CDH3: variants seen among roughly 807,000 people sequenced by gnomAD.
CDH3 encodes cadherin 3, also known as cadherin-3.
Under a neutral mutation model 82.0 loss-of-function variants are expected in CDH3, and 54 were observed. The ratio of observed to expected loss-of-function variants is 0.66; its 90% CI spans 0.53 to 0.83. CDH3 has a LOEUF of 0.83. Ranked by LOEUF, CDH3 falls within the 40% of genes least tolerant of loss-of-function variation. The probability of loss-of-function intolerance (pLI) is 0.00; values close to 1 mark genes in which losing one functional copy is unlikely to be tolerated. For missense variants in CDH3, 1,054 were observed against 1,084.6 expected (o/e 0.97, Z 0.40); for synonymous variants, 446 against 437.9 (o/e 1.02, Z -0.23).
At chr16:68,732,623 G>A in the CDH3 span, among the ~76,000 whole-genome samples, 10 of 152,180 alleles carry the variant, frequency 6.6e-5, no homozygotes, top group Admixed American at 1.3e-4. Context: ...TGTTAGCGCT[G>A]GATCTCAGCA....
intron 1 of CDH3, among the ~76,000 whole-genome samples, chr16:68,720,265 T>TAA (rs771951284): frequency 3.6e-5 from 5 of 139,644 alleles, no homozygotes; most frequent in African/African-American, 1.3e-4. Flanking sequence ...GAGGGGAGGC[T>TAA]AAAAAAAAAA....
chr16:68,691,688 C>G (rs1455606152), intron 12 of CDH3, 32 bp from the exon 13 acceptor site: 1 of 1,565,118 alleles, frequency 6.4e-7, no homozygotes, highest in Admixed American at 1.7e-5. Flanking sequence ...ACTGATGGTT[C>G]CCACAGCTAA....
In CDH3 at chr16:68,674,071, G is replaced by A. The variant is rs77850918; in HGVS notation, c.161-2314G>A. ...CCTAGGCATTGAATTGCTAGGTCAT[G>A]TGGTAATTCTACATTTAACACGTTG... On this transcript the variant is annotated intron_variant, in intron 2 of 15. Transcript: ENST00000264012. Among the ~76,000 whole-genome samples the A allele has an allele frequency of 4.6e-3, 700 of 152,336 alleles. 11 individuals carry two copies. The highest frequency in any genetic ancestry group is 0.016 in the African/African-American group (651 of 41,576).
Position 68,687,666 on chromosome 16 carries a change from C to T in CDH3, c.1725C>T (p.His575=). 6.2e-7 allele frequency: 1 copy of T among 1,614,114 alleles called. No homozygotes were observed. The stretch of plus-strand genomic sequence containing the variant: ...TCACGGACAAGGACCTGTCTCCCCA[C>T]ACCTCCCCTTTCCAGGCCCAGCTCA... ...LNITDKDLSP[H]TSPFQAQLTD... is the part of the protein sequence containing the mutation. Residue 575 remains histidine, a synonymous_variant, in exon 12 of 16, where the codon CAC becomes CAT. Transcript: ENST00000264012.
At chr16:68,724,457 GAAAAT>G (rs1962197705) in intron 2 of CDH3, among the ~76,000 whole-genome samples, 1 of 151,718 alleles carries the variant, frequency 6.6e-6, no homozygotes, top group African/African-American at 2.4e-5. Context: ...TGACTGTACA[GAAAAT>G]AAAAAATTAA....
rs1567459365 is a variant in CDH3 at position 68,698,571 on chromosome 16, A to C, written c.*171A>C. On this transcript the variant is annotated 3_prime_UTR_variant, in exon 16 of 16. Coordinates refer to ENST00000264012, the MANE Select transcript of CDH3 (RefSeq NM_001793.6). ...AGAGTGGTGGCTTCCTTAGCCTTTC[A>C]GGATGGAGGAATGTGGGCAGTTTGA... 1.3e-5 allele frequency: 8 copies of C among 627,060 alleles called. No individual in the cohort carries two copies. The highest frequency in any genetic ancestry group is 1.1e-5 in the Non-Finnish European group (4 of 355,466). 38.8% of individuals were successfully genotyped at this position (627,060 alleles called of 1,614,324 possible).
At chr16:68,675,949 C>T (rs907382509) in intron 2 of CDH3, among the ~76,000 whole-genome samples, 5 of 151,990 alleles carry the variant, frequency 3.3e-5, no homozygotes, top group South Asian at 2.1e-4. Context: ...TCAGAAGGAG[C>T]GAAATGAACT....
At chr16:68,660,049 G>A (rs1255057288) in intron 2 of CDH3, among the ~76,000 whole-genome samples, 1 of 152,146 alleles carries the variant, frequency 6.6e-6, no homozygotes, top group Non-Finnish European at 1.5e-5. Flanking sequence ...CAGATGTGGT[G>A]TAGGGAAGAG....
In CDH3 at chr16:68,668,017, A is replaced by C. The variant is rs558966924; in HGVS notation, c.161-8368A>C. Among the ~76,000 whole-genome samples, 6 of 152,296 alleles carry C rather than the reference A, an allele frequency of 3.9e-5. No individual in the cohort carries two copies. The East Asian group carries it at 1.2e-3, about 29-fold the overall frequency. On this transcript the variant is annotated intron_variant, in intron 2 of 15. Transcript: ENST00000264012. ...CCCGACAGTATTTTAGGGAATGTACATTTAGGCTCAGTGCTAAAAGCTGTC... is the reference window on the plus strand; with the variant it reads ...CCCGACAGTATTTTAGGGAATGTACCTTTAGGCTCAGTGCTAAAAGCTGTC...
chr16:68,695,713 G>A, intron 14 of CDH3, 64 bp from the exon 15 acceptor site: 2 of 1,575,586 alleles, frequency 1.3e-6, no homozygotes, highest in Non-Finnish European at 1.7e-6. Context: ...GGGGTGAGAT[G>A]TAAGTGGCAG....
chr16:68,645,792 T>A, intron 2 of CDH3, 42 bp downstream of exon 2: 1 of 1,461,810 alleles, frequency 6.8e-7, no homozygotes, highest in Non-Finnish European at 9.3e-7. Flanking sequence ...GGGCCGCACG[T>A]GACCATTTTG....
intron 2 of CDH3, among the ~76,000 whole-genome samples, chr16:68,723,177 C>T (rs1257818272): frequency 6.6e-6 from 1 of 151,948 alleles, no homozygotes; most frequent in African/African-American, 2.4e-5. Context: ...GCCCAATTCT[C>T]CTTCTCCAGA....
Position 68,687,745 on chromosome 16 carries a change from G to A in CDH3, c.1795+9G>A. ...AGAGGTCAACGAGGAAGGTACCTGA[G>A]TGAGTGGTGGTAGCGGGTGGGGTGC... is the stretch of plus-strand genomic sequence containing the variant. On this transcript the variant is annotated intron_variant, in intron 12 of 15. Coordinates refer to ENST00000264012, the MANE Select transcript of CDH3 (RefSeq NM_001793.6). The A allele has an allele frequency of 1.9e-6, 3 of 1,605,078 alleles. No individual in the cohort carries two copies. Among genetic ancestry groups the A allele is most frequent in the Non-Finnish European group, 1.7e-6 (2 of 1,172,110 alleles).
At chr16:68,731,203 T>C (rs1470411839), downstream of CDH3, among the ~76,000 whole-genome samples, 2 of 108,472 alleles carry the variant, frequency 1.8e-5, no homozygotes, top group Non-Finnish European at 1.8e-5. Flanking sequence ...CTACTAAAAA[T>C]AGAATAATTA....
At chr16:68,654,013 G>T (rs543300038) in intron 2 of CDH3, among the ~76,000 whole-genome samples, 3 of 151,384 alleles carry the variant, frequency 2.0e-5, no homozygotes, top group African/African-American at 7.3e-5. Context: ...CACTGCTCCC[G>T]GCCAAATGTC....
intron 1 of CDH3, among the ~76,000 whole-genome samples, chr16:68,716,650 A>G (rs550438670): frequency 6.6e-6 from 1 of 151,506 alleles, no homozygotes; most frequent in Non-Finnish European, 1.5e-5. Context: ...GAAAAGAAAA[A>G]AACTGATAAC....
intron 15 of CDH3, 28 bp downstream of exon 15, chr16:68,695,951 C>G (rs755524838): frequency 6.2e-7 from 1 of 1,612,434 alleles, no homozygotes; most frequent in Non-Finnish European, 8.5e-7. Context: ...AGTCGAGGGC[C>G]ACCCTTTATT....
Position 68,646,025 on chromosome 16 carries a change from A to C in CDH3, c.160+275A>C, listed in dbSNP as rs1252845309. ...TGCCGGATGGCTGAGCCCCTCACCC[A>C]GTCTCGACGTGGGAAGTTCTCCCCC... On this transcript the variant is annotated intron_variant, in intron 2 of 15. Coordinates refer to ENST00000264012, the MANE Select transcript of CDH3 (RefSeq NM_001793.6). 7.7e-5 allele frequency: 37 copies of C among 483,648 alleles called. No individual in the cohort carries two copies. The East Asian group carries it at 1.4e-3, about 18-fold the overall frequency. 30.0% of individuals were successfully genotyped at this position (483,648 alleles called of 1,614,324 possible).
chr16:68,678,341 A>G (rs1961094705), intron 4 of CDH3, 64 bp downstream of exon 4: 3 of 1,603,208 alleles, frequency 1.9e-6, no homozygotes, highest in South Asian at 1.1e-5. Flanking sequence ...AAAGGCCTGC[A>G]TGAGATTTCT....
Sources: gnomAD v4.1 joint callset for allele counts (sites outside exome capture counted in the v4.1 genomes callset) on GRCh38, gnomAD v4.1.1 for gene constraint, MANE v1.5 for transcripts, NCBI Gene and HGNC (gene_info 2026-07-23, HGNC 2026-07-21) for gene names.